The following CADM2 variants were observed in gnomAD, a reference collection of about 807,000 sequenced individuals.
CADM2 encodes cell adhesion molecule 2.
A neutral mutation model predicts 49.8 loss-of-function variants in CADM2; 12 were observed. The ratio of observed to expected loss-of-function variants is 0.24; its 90% CI spans 0.15 to 0.39. The LOEUF is 0.39. CADM2 is among the 10% of genes least tolerant of loss of function. The pLI is 1.00. For synonymous variants in CADM2, 214 were observed against 175.4 expected, an observed-to-expected ratio of 1.22 and a Z score of -1.74; for missense variants, 378 against 492.3, an observed-to-expected ratio of 0.77 and a Z score of 2.20.
At chr3:85,855,658 G>T (rs1385729556) in intron 3 of CADM2, among the ~76,000 whole-genome samples, 1 of 132,526 alleles carries the variant, frequency 7.5e-6, no homozygotes, top group African/African-American at 2.7e-5. Flanking sequence ...ACGGAGTTTC[G>T]CACTGTTGCC....
At chr3:85,414,052 A>T (rs1576509613) in intron 1 of CADM2, among the ~76,000 whole-genome samples, 3 of 152,190 alleles carry the variant, frequency 2.0e-5, no homozygotes, top group African/African-American at 7.2e-5. Flanking sequence ...TTTAGTAAAT[A>T]CAAGGTTTCA....
intron 1 of CADM2, among the ~76,000 whole-genome samples, chr3:85,440,295 C>T (rs2037140068): frequency 6.6e-6 from 1 of 152,124 alleles, no homozygotes; most frequent in Admixed American, 6.5e-5. Flanking sequence ...ATGGAACACA[C>T]CCCACGTCAT....
At chr3:85,044,782 TTC>T in intron 1 of CADM2, among the ~76,000 whole-genome samples, 1 of 144,850 alleles carries the variant, frequency 6.9e-6, no homozygotes, top group South Asian at 2.2e-4. Context: ...GTCTTTTTCT[TTC>T]TTTCTTTCTT....
chr3:85,895,290 T>A (rs1324277525), intron 5 of CADM2, among the ~76,000 whole-genome samples: 1 of 152,044 alleles, frequency 6.6e-6, no homozygotes, highest in Non-Finnish European at 1.5e-5. Context: ...AGACATAGAG[T>A]CAAAGGAGAT....
intron 1 of CADM2, among the ~76,000 whole-genome samples, chr3:85,043,701 G>A (rs1279891222): frequency 6.6e-6 from 1 of 151,594 alleles, no homozygotes; most frequent in Admixed American, 6.6e-5. Flanking sequence ...TAAATAAAAG[G>A]TCTGACAACT....
intron 1 of CADM2, among the ~76,000 whole-genome samples, chr3:85,559,623 C>A (rs2062040437): frequency 6.6e-6 from 1 of 151,196 alleles, no homozygotes; most frequent in African/African-American, 2.4e-5. Flanking sequence ...TTTTAAAAAT[C>A]TATTTTATTG....
At chr3:85,378,159 A>C (rs2033700275) in intron 1 of CADM2, among the ~76,000 whole-genome samples, 1 of 152,026 alleles carries the variant, frequency 6.6e-6, no homozygotes, top group South Asian at 2.1e-4. Context: ...TAAAAATTTG[A>C]ATGGTTTTCT....
chr3:85,820,507 C>T (rs1224690161), intron 3 of CADM2, among the ~76,000 whole-genome samples: 1 of 152,026 alleles, frequency 6.6e-6, no homozygotes, highest in Non-Finnish European at 1.5e-5. Context: ...CAAATAGGAC[C>T]AGCTGATGGC....
chr3:85,230,495 C>A (rs1236717551), intron 1 of CADM2, among the ~76,000 whole-genome samples: 2 of 152,126 alleles, frequency 1.3e-5, no homozygotes, highest in Admixed American at 1.3e-4. Flanking sequence ...TTAGTATTCA[C>A]CTTATGCTTA....
intron 1 of CADM2, among the ~76,000 whole-genome samples, chr3:85,261,471 C>G (rs2043013184): frequency 6.6e-6 from 1 of 152,066 alleles, no homozygotes; most frequent in African/African-American, 2.4e-5. Flanking sequence ...CCAGTTTCTA[C>G]TCAGTTAAGT....
chr3:85,334,947 T>G (rs2045036597), intron 1 of CADM2, among the ~76,000 whole-genome samples: 1 of 151,180 alleles, frequency 6.6e-6, no homozygotes, highest in African/African-American at 2.4e-5. Context: ...TTTCAAAATG[T>G]AATAAAAATA....
chr3:85,002,521 A>G (rs1286389185), intron 1 of CADM2, among the ~76,000 whole-genome samples: 1 of 152,200 alleles, frequency 6.6e-6, no homozygotes, highest in Non-Finnish European at 1.5e-5. Flanking sequence ...ATTGACTGAC[A>G]AATTCTCAGA....
At chr3:85,785,963 T>C (rs187540176) in intron 2 of CADM2, among the ~76,000 whole-genome samples, 1 of 152,090 alleles carries the variant, frequency 6.6e-6, no homozygotes, top group Non-Finnish European at 1.5e-5. Context: ...TGATTTGAAT[T>C]GCAAAGATGA....
At chr3:85,351,134 A>C (rs892500723) in intron 1 of CADM2, among the ~76,000 whole-genome samples, 1 of 152,086 alleles carries the variant, frequency 6.6e-6, no homozygotes, top group Non-Finnish European at 1.5e-5. Flanking sequence ...AAATCTGTTG[A>C]CTGTTTGATG....
chr3:85,125,513 C>T (rs1192175142), intron 1 of CADM2, among the ~76,000 whole-genome samples: 1 of 152,100 alleles, frequency 6.6e-6, no homozygotes, highest in Admixed American at 6.6e-5. Flanking sequence ...CGTGCACCAC[C>T]ACACCTGGTT....
intron 8 of CADM2, among the ~76,000 whole-genome samples, chr3:86,059,902 A>G (rs560833730): frequency 6.6e-6 from 1 of 152,130 alleles, no homozygotes; most frequent in Non-Finnish European, 1.5e-5. Flanking sequence ...GCATAGCCAA[A>G]AATATTACTT....
Position 86,025,755 on chromosome 3 carries a change from T to A in CADM2, c.971-39850T>A, listed in dbSNP as rs1215559463. ...CTTTTATTGCACAATCATTTTACAA[T>A]AAGTATTTGTTTATTCCTCTGAAAT... On this transcript the variant is annotated intron_variant, in intron 8 of 9. Transcript: ENST00000383699. Among the ~76,000 whole-genome samples, 3 of 152,184 alleles carry A rather than the reference T, an allele frequency of 2.0e-5. No individual in the cohort carries two copies. In the South Asian group the frequency reaches 6.2e-4, roughly 32 times the overall value.
At chr3:85,541,678 T>G (rs1247561644) in intron 1 of CADM2, among the ~76,000 whole-genome samples, 1 of 146,520 alleles carries the variant, frequency 6.8e-6, no homozygotes, top group Non-Finnish European at 1.5e-5. Flanking sequence ...AATCTGAATC[T>G]TGAATTGTTG....
chr3:85,346,893 C>T (rs1047772656), intron 1 of CADM2, among the ~76,000 whole-genome samples: 4 of 151,828 alleles, frequency 2.6e-5, no homozygotes, highest in African/African-American at 7.3e-5. Context: ...TGCATTAAAG[C>T]GCAACAAATA....
Sources: allele counts gnomAD v4.1 joint callset (sites outside exome capture counted in the v4.1 genomes callset), GRCh38; gene constraint gnomAD v4.1.1; transcripts MANE v1.5; gene names NCBI Gene and HGNC (gene_info 2026-07-23, HGNC 2026-07-21).